Variants in SPTB observed in about 807,000 individuals in gnomAD.
The protein encoded by SPTB is spectrin beta chain, erythrocytic.
Under a neutral mutation model 256.2 loss-of-function variants are expected in SPTB, and 45 were observed. The observed-to-expected ratio is 0.18, with a 90% CI of 0.14 to 0.23. The LOEUF (loss-of-function observed/expected upper bound fraction) is 0.23, where lower values mean the gene tolerates loss of function less well. SPTB is among the 10% of genes least tolerant of loss of function. SPTB has a pLI of 1.00. For missense variants in SPTB, 2,715 were observed against 3,040.4 expected (o/e 0.89, Z 2.52); for synonymous variants, 1,231 against 1,243.1 (o/e 0.99, Z 0.21).
rs199823808 is a variant in SPTB, at chr14:64,770,974, C to A, written c.5709G>T (p.Ala1903=). The change falls in exon 27 of 36, where the codon GCG becomes GCT. Residue 1903 remains alanine (A), a synonymous_variant. Transcript: ENST00000644917. ...AGRRTQLVDT[A]DKFRFFSMAR... The stretch of plus-strand genomic sequence containing the variant: ...CCATGCTGAAGAAGCGGAATTTATC[C>A]GCCGTGTCCACTAGCTGGGTCCGGC... 4 of 1,614,002 alleles carry A rather than the reference C, an allele frequency of 2.5e-6. No homozygotes were observed. Among genetic ancestry groups the A allele is most frequent in the Non-Finnish European group, 2.5e-6 (3 of 1,180,038 alleles).
chr14:64,787,301 C>A (rs1226341116), intron 15 of SPTB, 141 bp from the exon 16 acceptor site: 5 of 1,104,842 alleles, frequency 4.5e-6, no homozygotes, highest in Non-Finnish European at 6.4e-6. Flanking sequence ...AAAAAAAAAT[C>A]TACCTAACGA....
At chr14:64,856,375 T>C (rs389370) in intron 1 of SPTB, among the ~76,000 whole-genome samples, 142,781 of 152,246 alleles carry the variant, frequency 0.94, 67,571 homozygotes, top group Non-Finnish European at 0.98. Flanking sequence ...AGCTCACTGC[T>C]AAGTTCCTCT....
chr14:64,878,791 C>T (rs1882957248), intron 1 of SPTB, among the ~76,000 whole-genome samples: 1 of 151,876 alleles, frequency 6.6e-6, no homozygotes, highest in African/African-American at 2.4e-5. Context: ...CCCCACCCCC[C>T]AATCTGATGC....
At chr14:64,771,280 G>C in intron 26 of SPTB, 151 bp from the exon 27 acceptor site, 1 of 1,234,288 alleles carries the variant, frequency 8.1e-7, no homozygotes, top group Non-Finnish European at 1.2e-6. Flanking sequence ...AGTGGGTGCT[G>C]TAGGAGAAGA....
At chr14:64,767,610 C>T (rs2139480106) in intron 30 of SPTB, 53 bp downstream of exon 30, 1 of 1,607,118 alleles carries the variant, frequency 6.2e-7, no homozygotes, top group East Asian at 2.2e-5. Flanking sequence ...CATGAGACCC[C>T]TGGGGGCACA....
chr14:64,767,375 G>C (rs1415779455), intron 30 of SPTB, 23 bp from the exon 31 acceptor site: 1 of 1,613,696 alleles, frequency 6.2e-7, no homozygotes, highest in Non-Finnish European at 8.5e-7. Flanking sequence ...AAGGCCCAGG[G>C]GTCAGAGCAG....
chr14:64,788,404 C>A (rs1303778613), intron 15 of SPTB, among the ~76,000 whole-genome samples: 1 of 152,110 alleles, frequency 6.6e-6, no homozygotes, highest in Non-Finnish European at 1.5e-5. Flanking sequence ...GAAAGGTCTG[C>A]AGAGAGATAT....
chr14:64,810,876 G>A (rs1945067841), intron 2 of SPTB, among the ~76,000 whole-genome samples: 1 of 152,244 alleles, frequency 6.6e-6, no homozygotes, highest in African/African-American at 2.4e-5. Flanking sequence ...AGAGCTTTGG[G>A]AGGCCAAGGT....
At position 64,825,610 on chromosome 14, in the gene SPTB, G is replaced by GGTGA. The variant is rs1379877486; in HGVS notation, c.-51-2469_-51-2466dup. 1.3e-5 allele frequency among the ~76,000 whole-genome samples: 2 copies of GGTGA among 152,228 alleles called. No homozygotes were observed. The highest frequency in any genetic ancestry group is 2.9e-5 in the Non-Finnish European group (2 of 68,038). ...CTGAGCTGCCAGACGCAGGAGGTGA[G>GGTGA]GTGAGATCAGACCCTGAGTGCAGGA... On this transcript the variant is annotated intron_variant, in intron 1 of 35. Coordinates refer to ENST00000644917, the MANE Select transcript of SPTB (RefSeq NM_001355436.2). The surrounding 1 kb of genome is among the most constrained non-coding windows in gnomAD (Gnocchi z 4.8).
chr14:64,828,881 T>C (rs17826231), intron 1 of SPTB, among the ~76,000 whole-genome samples: 4,928 of 152,320 alleles, frequency 0.032, 128 homozygotes, highest in South Asian at 0.14. Context: ...GGTCTCAACA[T>C]TGAAAATAGT....
chr14:64,787,404 T>C (rs764959532), intron 15 of SPTB, among the ~76,000 whole-genome samples: 1 of 152,226 alleles, frequency 6.6e-6, no homozygotes, highest in South Asian at 2.1e-4. Flanking sequence ...CAATTAATTA[T>C]GTGACTCCAA....
At chr14:64,810,718 G>A (rs1393771979) in intron 2 of SPTB, among the ~76,000 whole-genome samples, 1 of 151,990 alleles carries the variant, frequency 6.6e-6, no homozygotes, top group African/African-American at 2.4e-5. Context: ...ATCAATCATG[G>A]TAAATGCTTT....
intron 1 of SPTB, among the ~76,000 whole-genome samples, chr14:64,850,088 C>T (rs1042722424): frequency 4.6e-5 from 7 of 152,212 alleles, no homozygotes; most frequent in African/African-American, 1.7e-4. Flanking sequence ...CAGAGACTAT[C>T]ATATGCAGCC....
At chr14:64,774,738 T>C (rs1305861675) in intron 23 of SPTB, among the ~76,000 whole-genome samples, 1 of 152,148 alleles carries the variant, frequency 6.6e-6, no homozygotes, top group East Asian at 1.9e-4. Flanking sequence ...CCCTGATTCG[T>C]ATCCGACATA....
Position 64,779,618 on chromosome 14 carries a change from G to A in SPTB, c.4473+107C>T. ...AGAACCCTATGAGATAAGGGGTGAGGTGACCAGTCATCTACTGCCAAAAAT... is the reference window on the plus strand; with the variant it reads ...AGAACCCTATGAGATAAGGGGTGAGATGACCAGTCATCTACTGCCAAAAAT... On this transcript the variant is annotated intron_variant, in intron 21 of 35. Transcript: ENST00000644917. This position sits in a 1 kb window ranked among gnomAD's most constrained non-coding sequence, Gnocchi z 4.2. The A allele has an allele frequency of 9.0e-7, 1 of 1,115,072 alleles. No homozygotes were observed. The highest frequency in any genetic ancestry group is 2.3e-5 in the East Asian group (1 of 42,676). The allele number at this position is 1,115,072 out of a possible 1,614,324, so 69.1% of individuals were successfully genotyped here. A position where few individuals can be genotyped will look rare whatever the true frequency, so the allele number is the denominator to read the frequency against.
At chr14:64,859,348 G>T (rs749211015) in intron 1 of SPTB, among the ~76,000 whole-genome samples, 1 of 152,246 alleles carries the variant, frequency 6.6e-6, no homozygotes, top group Middle Eastern at 3.2e-3. Flanking sequence ...AATGAGGTAA[G>T]TCTATAGGTA....
At position 64,753,587 on chromosome 14, in the gene SPTB, G is replaced by GTAGC; in HGVS notation, c.6548_6551dup (p.Tyr2184Ter). Reference sequence around the variant, plus strand: ...CCTCCAGGTCATGCTTGCGGCCCAGGTAGCCTTCCATCTGCACACTCTGCC... The same window carrying GTAGC: ...CCTCCAGGTCATGCTTGCGGCCCAGGTAGCTAGCCTTCCATCTGCACACTCTGCC... On this transcript the variant is annotated stop_gained and frameshift_variant, in exon 33 of 36. Coordinates refer to ENST00000644917, the MANE Select transcript of SPTB (RefSeq NM_001355436.2). LOFTEE classifies it high-confidence loss of function. 3 of 1,613,566 alleles carry GTAGC rather than the reference G, an allele frequency of 1.9e-6. No individual in the cohort carries two copies. Among genetic ancestry groups the GTAGC allele is most frequent in the Non-Finnish European group, 2.5e-6 (3 of 1,180,026 alleles).
At chr14:64,843,700 A>G (rs1201677853) in intron 1 of SPTB, among the ~76,000 whole-genome samples, 1 of 152,170 alleles carries the variant, frequency 6.6e-6, no homozygotes, top group Non-Finnish European at 1.5e-5. Flanking sequence ...CCTGAGGACC[A>G]CGACTGGGAG....
intron 26 of SPTB, 81 bp from the exon 27 acceptor site, chr14:64,771,210 C>A: frequency 6.3e-7 from 1 of 1,598,360 alleles, no homozygotes; most frequent in South Asian, 1.1e-5. Context: ...AGGGCAGCTA[C>A]CTCCTCCTGG....
Sources: gnomAD v4.1 joint callset for allele counts (sites outside exome capture counted in the v4.1 genomes callset) on GRCh38, gnomAD v4.1.1 for gene constraint, Gnocchi (gnomAD v3.1) non-coding constraint, MANE v1.5 for transcripts, NCBI Gene and HGNC (gene_info 2026-07-23, HGNC 2026-07-21) for gene names.